Variants in MAZ observed in about 807,000 individuals in gnomAD.
MAZ encodes the protein myc-associated zinc finger protein.
A neutral mutation model predicts 32.7 loss-of-function variants in MAZ; 4 were observed. That is an observed-to-expected ratio of 0.12 (90% CI 0.06 to 0.28). MAZ has a LOEUF of 0.28. Ranked by LOEUF, MAZ falls within the 10% of genes least tolerant of loss-of-function variation. The probability of loss-of-function intolerance (pLI) is 1.00; values close to 1 mark genes in which losing one functional copy is unlikely to be tolerated. For synonymous variants in MAZ, 510 were observed against 297.6 expected, an observed-to-expected ratio of 1.71 and a Z score of -7.35; for missense variants, 763 against 667.2, an observed-to-expected ratio of 1.14 and a Z score of -1.58.
At chr16:29,806,496 G>T, upstream of MAZ, 1 of 347,930 alleles carries the variant, frequency 2.9e-6, no homozygotes, top group South Asian at 1.3e-4. Context: ...CGCCGCCGCC[G>T]TCGCCGCGGC....
Position 29,810,825 on chromosome 16 carries a change from T to G in MAZ, c.*594T>G. The G allele has an allele frequency of 2.9e-6, 1 of 343,636 alleles. No homozygotes were observed. The highest frequency in any genetic ancestry group is 2.3e-5 in the South Asian group (1 of 44,030). The allele number at this position is 343,636 out of a possible 1,614,324, so 21.3% of individuals were successfully genotyped here. Reference sequence around the variant, plus strand: ...GGTTGGGGTCAGGCCCTGAACATCGTCCTACTTGAGAATCTGTCAGGGGAA... The same window carrying G: ...GGTTGGGGTCAGGCCCTGAACATCGGCCTACTTGAGAATCTGTCAGGGGAA... On this transcript the variant is annotated 3_prime_UTR_variant, in exon 5 of 5. Transcript: ENST00000322945.
upstream of MAZ, chr16:29,806,499 G>GC (rs1001520057): frequency 2.6e-6 from 1 of 381,858 alleles, no homozygotes; most frequent in Admixed American, 7.3e-5. Context: ...CGCCGCCGTC[G>GC]CCGCGGCGCT....
chr16:29,808,355 G>C, intron 3 of MAZ, 62 bp downstream of exon 3: 1 of 1,522,724 alleles, frequency 6.6e-7, no homozygotes. Context: ...GTAGCTGTCT[G>C]AGTCAGTCTC....
intron 3 of MAZ, 45 bp downstream of exon 3, chr16:29,808,338 C>A (rs748957875): frequency 1.3e-6 from 2 of 1,567,390 alleles, no homozygotes; most frequent in Non-Finnish European, 1.8e-6. Context: ...TGATTTTGAT[C>A]CTCATGGTAG....
chr16:29,808,375 CT>C, intron 3 of MAZ, 82 bp downstream of exon 3: 4 of 1,383,436 alleles, frequency 2.9e-6, no homozygotes, highest in Non-Finnish European at 4.1e-6. Context: ...CTCAGACCCC[CT>C]TTTTCTCTCT....
chr16:29,807,049 G>A lies in MAZ; in HGVS notation c.264G>A (p.Val88=). The A allele has an allele frequency of 3.0e-6, 3 of 1,014,178 alleles. No individual in the cohort carries two copies. Among genetic ancestry groups the A allele is most frequent in the Non-Finnish European group, 3.5e-6 (3 of 852,800 alleles). 62.8% of individuals were successfully genotyped at this position (1,014,178 alleles called of 1,614,324 possible). A position where few individuals can be genotyped will look rare whatever the true frequency, so the allele number is the denominator to read the frequency against. ...AEPLQVDLLP[V]LAAAQESAAA... ...CCCTCCAGGTGGACTTGCTCCCGGT[G>A]CTCGCCGCCGCCCAGGAGTCCGCCG... Residue 88 remains valine, a synonymous_variant, in exon 2 of 5, where the codon GTG becomes GTA. Transcript: ENST00000322945.
At position 29,810,340 on chromosome 16, in the gene MAZ, G is replaced by A. The variant is rs1302489447; in HGVS notation, c.*109G>A. 8 of 1,125,090 alleles carry A rather than the reference G, an allele frequency of 7.1e-6. No individual in the cohort carries two copies. In the African/African-American group the frequency reaches 9.3e-5, roughly 13 times the overall value. The allele number at this position is 1,125,090 out of a possible 1,614,324, so 69.7% of individuals were successfully genotyped here. On this transcript the variant is annotated 3_prime_UTR_variant, in exon 5 of 5. Coordinates refer to ENST00000322945, the MANE Select transcript of MAZ (RefSeq NM_002383.4). Reference sequence around the variant, plus strand: ...CTCCTATTTCCCTACCAACCAAGGAGCCTCCAGAAGGAAAGGAGGAAGAAA... The same window carrying A: ...CTCCTATTTCCCTACCAACCAAGGAACCTCCAGAAGGAAAGGAGGAAGAAA...
intron 4 of MAZ, chr16:29,809,275 A>G (rs1899762440): frequency 1.8e-6 from 1 of 546,058 alleles, no homozygotes; most frequent in East Asian, 3.2e-5. Context: ...GTGTCTCGTC[A>G]TCCTGGGAGA....
At chr16:29,808,893 G>A (rs755774195) in intron 4 of MAZ, 152 bp downstream of exon 4, 12 of 670,852 alleles carry the variant, frequency 1.8e-5, no homozygotes, top group Non-Finnish European at 2.8e-5. Context: ...GGGGACACCT[G>A]AATGAACATC....
Position 29,806,886 on chromosome 16 carries a change from C to T in MAZ, c.185C>T (p.Pro62Leu). 3 of 1,395,052 alleles carry T rather than the reference C, an allele frequency of 2.2e-6. No individual in the cohort carries two copies. Among genetic ancestry groups the T allele is most frequent in the Non-Finnish European group, 1.9e-6 (2 of 1,062,698 alleles). 86.4% of individuals were successfully genotyped at this position (1,395,052 alleles called of 1,614,324 possible). ...FFASQGCAQS[P>L]FQAAPAPPPT... ...GCCTCCCAGGGCTGCGCCCAGAGTC[C>T]ATTCCAGGTGAGTAGGGCCGGCCGC... The change falls in exon 1 of 5, where the codon CCA becomes CTA. Residue 62 changes from proline to leucine, a missense_variant. Physicochemically the swap from Pro to Leu is moderately conservative, Grantham distance 98. Coordinates refer to ENST00000322945, the MANE Select transcript of MAZ (RefSeq NM_002383.4).
At chr16:29,808,869 C>G (rs1430307214) in intron 4 of MAZ, 128 bp downstream of exon 4, 1 of 869,014 alleles carries the variant, frequency 1.2e-6, no homozygotes, top group East Asian at 2.7e-5. Flanking sequence ...TACAAGAGGT[C>G]AAGGGAGCAG....
At chr16:29,809,723 A>G in intron 4 of MAZ, 1 of 1,468,278 alleles carries the variant, frequency 6.8e-7, no homozygotes, top group Non-Finnish European at 9.0e-7. Context: ...GACGCCCCCC[A>G]GCCACAGCCC....
In MAZ at chr16:29,807,046, G is replaced by A. The variant is rs1171444252; in HGVS notation, c.261G>A (p.Pro87=). ...AGCCCCTCCAGGTGGACTTGCTCCC[G>A]GTGCTCGCCGCCGCCCAGGAGTCCG... ...AAEPLQVDLL[P]VLAAAQESAA... The change falls in exon 2 of 5, where the codon CCG becomes CCA. Residue 87 remains proline, a synonymous_variant. Coordinates refer to ENST00000322945, the MANE Select transcript of MAZ (RefSeq NM_002383.4). 2 of 1,010,248 alleles carry A rather than the reference G, an allele frequency of 2.0e-6. No homozygotes were observed. Among genetic ancestry groups the A allele is most frequent in the East Asian group, 1.0e-4 (1 of 9,632 alleles). 62.6% of individuals were successfully genotyped at this position (1,010,248 alleles called of 1,614,324 possible).
At chr16:29,807,889 G>A (rs747013957) in intron 2 of MAZ, 61 bp downstream of exon 2, 3 of 1,572,226 alleles carry the variant, frequency 1.9e-6, no homozygotes, top group East Asian at 2.3e-5. Flanking sequence ...GACGGAGGTG[G>A]CCTGGCCGTG....
chr16:29,806,638 G>A lies in MAZ; in HGVS notation c.-64G>A. On this transcript the variant is annotated 5_prime_UTR_variant, in exon 1 of 5. Coordinates refer to ENST00000322945, the MANE Select transcript of MAZ (RefSeq NM_002383.4). ...GGCCGGGGGCGGCGCCCCGAGCCCG[G>A]GCCCCGCGCGGCCCGCGCCCCCGGC... 3.1e-6 allele frequency: 3 copies of A among 967,600 alleles called. No homozygotes were observed. In the South Asian group the frequency reaches 1.4e-4, roughly 45 times the overall value. The allele number at this position is 967,600 out of a possible 1,614,324, so 59.9% of individuals were successfully genotyped here. A position where few individuals can be genotyped will look rare whatever the true frequency, so the allele number is the denominator to read the frequency against.
In MAZ at chr16:29,808,633, A is replaced by G. The variant is rs773206143; in HGVS notation, c.1171A>G (p.Lys391Glu). Residue 391 changes from lysine to glutamate, a missense_variant, in exon 4 of 5, where the codon AAA becomes GAA. Physicochemically the swap from Lys to Glu is moderately conservative, Grantham distance 56 (BLOSUM62 1). Coordinates refer to ENST00000322945, the MANE Select transcript of MAZ (RefSeq NM_002383.4). Reference sequence around the variant, plus strand: ...GGCGCACACAGTACGACACGAGGAGAAAGTGCCATGTCACGTGTGTGGCAA... The same window carrying G: ...GGCGCACACAGTACGACACGAGGAGGAAGTGCCATGTCACGTGTGTGGCAA... Reference protein sequence around the residue: ...LRAHTVRHEEKVPCHVCGKML... With the variant: ...LRAHTVRHEEEVPCHVCGKML... The G allele has an allele frequency of 6.2e-7, 1 of 1,613,708 alleles. No individual in the cohort carries two copies. The highest frequency in any genetic ancestry group is 1.1e-5 in the South Asian group (1 of 91,062).
rs555439055 is a variant in MAZ, at chr16:29,810,299, C to G, written c.*68C>G. 5.3e-5 allele frequency: 77 copies of G among 1,451,810 alleles called. No homozygotes were observed. The highest frequency in any genetic ancestry group is 4.1e-4 in the Admixed American group (21 of 50,906). 89.9% of individuals were successfully genotyped at this position (1,451,810 alleles called of 1,614,324 possible). ...TCCCTTGGTACAAGCTCCTCTCCCC[C>G]CTCTTTTCCCACCAACTCCTATTTC... On this transcript the variant is annotated 3_prime_UTR_variant, in exon 5 of 5. Transcript: ENST00000322945.
chr16:29,808,694 A>G lies in MAZ; in HGVS notation c.1232A>G (p.Lys411Arg), dbSNP rs781459894. Reference sequence around the variant, plus strand: ...TCGGCTTATATTTCGGACCACATGAAGGTGCACAGCCAGGGTCCTCACCAT... The same window carrying G: ...TCGGCTTATATTTCGGACCACATGAGGGTGCACAGCCAGGGTCCTCACCAT... ...LSSAYISDHM[K>R]VHSQGPHHVC... Residue 411 changes from lysine (K) to arginine (R), a missense_variant, in exon 4 of 5, where the codon AAG (lysine) becomes AGG (arginine). Lys to Arg is a conservative substitution (Grantham distance 26). Transcript: ENST00000322945. 1 of 1,614,000 alleles carries G rather than the reference A, an allele frequency of 6.2e-7. No individual in the cohort carries two copies. Among genetic ancestry groups the G allele is most frequent in the South Asian group, 1.1e-5 (1 of 91,070 alleles).
Position 29,807,562 on chromosome 16 carries a change from A to G in MAZ, c.777A>G (p.Ala259=), listed in dbSNP as rs1899593663. Residue 259 remains alanine, a synonymous_variant, in exon 2 of 5, where the codon GCA becomes GCG. Coordinates refer to ENST00000322945, the MANE Select transcript of MAZ (RefSeq NM_002383.4). ...GEAGAGGGAA[A]VAAGGVVTTT... is the part of the protein sequence containing the mutation. Reference sequence around the variant, plus strand: ...CGGGTGCCGGCGGCGGCGCTGCCGCAGTGGCCGCCGGTGGCGTGGTGACCA... The same window carrying G: ...CGGGTGCCGGCGGCGGCGCTGCCGCGGTGGCCGCCGGTGGCGTGGTGACCA... The G allele has an allele frequency of 1.9e-6, 3 of 1,603,802 alleles. No individual in the cohort carries two copies. Among genetic ancestry groups the G allele is most frequent in the Admixed American group, 1.7e-5 (1 of 59,416 alleles).
Sources: gnomAD v4.1 joint callset for allele counts on GRCh38, gnomAD v4.1.1 for gene constraint, MANE v1.5 for transcripts, NCBI Gene and HGNC (gene_info 2026-07-23, HGNC 2026-07-21) for gene names.